LARGE1: variants seen among roughly 807,000 people sequenced by gnomAD.
LARGE1 encodes xylosyl- and glucuronyltransferase LARGE1.
A neutral mutation model predicts 87.6 loss-of-function variants in LARGE1; 43 were observed. The ratio of observed to expected loss-of-function variants is 0.49; its 90% CI spans 0.38 to 0.63. The LOEUF is 0.63. LARGE1 is among the 30% of genes least tolerant of loss of function. The pLI is 0.00. For missense variants in LARGE1, 802 were observed against 1,000.2 expected (o/e 0.80, Z 2.67); for synonymous variants, 434 against 394.6 (o/e 1.10, Z -1.18).
chr22:33,170,134 C>T lies in LARGE1; in HGVS notation c.1731-3302G>A, dbSNP rs113389145. Among the ~76,000 whole-genome samples, 265 of 151,958 alleles carry T rather than the reference C, an allele frequency of 1.7e-3. 1 individual carries two copies. The highest frequency in any genetic ancestry group is 5.8e-3 in the African/African-American group (239 of 41,454). On this transcript the variant is annotated intron_variant, in intron 11 of 11. Coordinates refer to the LARGE1 transcript ENST00000608642. The stretch of plus-strand genomic sequence containing the variant: ...GACACATGCCAGCACTTTGGGATGC[C>T]GAGGTGGGAGGATCACTTGAGGTCA...
At chr22:33,800,079 CCT>C (rs59382077) in intron 1 of LARGE1, among the ~76,000 whole-genome samples, 30,977 of 152,038 alleles carry the variant, frequency 0.2, 4,086 homozygotes, top group East Asian at 0.4. Context: ...TTTGCTATCC[CCT>C]GACTCATTCC....
At chr22:33,380,554 A>G (rs1201840823) in intron 9 of LARGE1, among the ~76,000 whole-genome samples, 2 of 152,168 alleles carry the variant, frequency 1.3e-5, no homozygotes, top group African/African-American at 4.8e-5. Context: ...GTAACAGACT[A>G]ACTATTGGAT....
chr22:33,455,123 T>C (rs901402020), intron 6 of LARGE1, among the ~76,000 whole-genome samples: 4 of 152,238 alleles, frequency 2.6e-5, no homozygotes, highest in Non-Finnish European at 5.9e-5. Flanking sequence ...GACACCTTTC[T>C]TTCTTTCCTG....
At chr22:33,778,990 G>A (rs1042740451) in intron 1 of LARGE1, among the ~76,000 whole-genome samples, 6 of 152,068 alleles carry the variant, frequency 3.9e-5, no homozygotes, top group African/African-American at 1.4e-4. Flanking sequence ...TCCATTGCAC[G>A]GAGAGGCCAC....
chr22:33,365,008 T>C (rs948253313), intron 9 of LARGE1, among the ~76,000 whole-genome samples: 7 of 152,156 alleles, frequency 4.6e-5, no homozygotes, highest in South Asian at 2.1e-4. Context: ...CAGAATTTTA[T>C]CCCTTTTCAA....
At chr22:33,517,858 G>C (rs4821155) in intron 6 of LARGE1, among the ~76,000 whole-genome samples, 44,409 of 152,132 alleles carry the variant, frequency 0.29, 7,803 homozygotes, top group Non-Finnish European at 0.4. Flanking sequence ...GAAGAAGGGG[G>C]AGACCTGGGT....
chr22:33,141,933 A>G, the LARGE1 span, among the ~76,000 whole-genome samples: 1 of 152,230 alleles, frequency 6.6e-6, no homozygotes, highest in Non-Finnish European at 1.5e-5. Flanking sequence ...TATCATTACT[A>G]GTAGATTGTA....
chr22:33,273,960 T>C lies in LARGE1; in HGVS notation c.*467A>G, dbSNP rs1018574660. The stretch of plus-strand genomic sequence containing the variant: ...CCCTCCGTTTGAATGCCCAGCTACA[T>C]TGCAGGGCAAAGGGGAAAGTTTTCA... On this transcript the variant is annotated 3_prime_UTR_variant, in exon 15 of 15. Transcript: ENST00000397394. The C allele has an allele frequency of 2.0e-5, 7 of 350,312 alleles. No individual in the cohort carries two copies. The highest frequency in any genetic ancestry group is 1.2e-4 in the African/African-American group (6 of 48,006). 21.7% of individuals were successfully genotyped at this position (350,312 alleles called of 1,614,324 possible).
At chr22:33,541,720 A>G (rs1381338676) in intron 6 of LARGE1, among the ~76,000 whole-genome samples, 1 of 150,060 alleles carries the variant, frequency 6.7e-6, no homozygotes, top group East Asian at 2.0e-4. Flanking sequence ...CTGTTCTACA[A>G]GGAAAACACA....
chr22:33,233,234 A>G (rs1478496136), intron 11 of LARGE1, among the ~76,000 whole-genome samples: 3 of 152,052 alleles, frequency 2.0e-5, no homozygotes, highest in Non-Finnish European at 4.4e-5. Context: ...GGGTATAGGA[A>G]GTTGTCTAAG....
chr22:33,133,353 C>CA, the LARGE1 span, among the ~76,000 whole-genome samples: 1 of 152,262 alleles, frequency 6.6e-6, no homozygotes, highest in Admixed American at 6.5e-5. Flanking sequence ...TGACAGGCCC[C>CA]AGTGTGTGAT....
intron 1 of LARGE1, among the ~76,000 whole-genome samples, chr22:33,886,453 G>A (rs1239910352): frequency 2.6e-5 from 4 of 152,124 alleles, no homozygotes; most frequent in Non-Finnish European, 4.4e-5. Context: ...CAAGGCAGGT[G>A]AATCACTTAA....
intron 11 of LARGE1, among the ~76,000 whole-genome samples, chr22:33,185,855 T>C (rs1357139975): frequency 6.6e-6 from 1 of 152,016 alleles, no homozygotes. Context: ...CAAAAGAAGC[T>C]CTATTACTAG....
rs139331515 is a variant in LARGE1 at position 33,896,844 on chromosome 22, C to G, written c.-83+23151G>C. Reference sequence around the variant, plus strand: ...TCTCTCTCAGTATTCAGAATGAAAGCAATGCTCTCCCCCAGCTGTGCTACA... The same window carrying G: ...TCTCTCTCAGTATTCAGAATGAAAGGAATGCTCTCCCCCAGCTGTGCTACA... On this transcript the variant is annotated intron_variant, in intron 1 of 14. Transcript: ENST00000397394. Among the ~76,000 whole-genome samples, 533 of 152,272 alleles carry G rather than the reference C, an allele frequency of 3.5e-3. 7 individuals carry two copies. Among genetic ancestry groups the G allele is most frequent in the African/African-American group, 0.012 (507 of 41,550 alleles).
At chr22:33,535,545 A>G (rs1028866153) in intron 6 of LARGE1, among the ~76,000 whole-genome samples, 2 of 150,426 alleles carry the variant, frequency 1.3e-5, no homozygotes, top group African/African-American at 5.0e-5. Context: ...CTCCAAAAAC[A>G]AAAGAAAAAA....
intron 5 of LARGE1, among the ~76,000 whole-genome samples, chr22:33,575,193 G>A (rs550215198): frequency 6.6e-6 from 1 of 152,238 alleles, no homozygotes; most frequent in African/African-American, 2.4e-5. Flanking sequence ...TATTTCTCAA[G>A]GTCTTCTTGG....
chr22:33,485,455 C>T (rs970382616), intron 6 of LARGE1, among the ~76,000 whole-genome samples: 1 of 150,898 alleles, frequency 6.6e-6, no homozygotes, highest in Non-Finnish European at 1.5e-5. Flanking sequence ...CTCAGGTGAT[C>T]TGCCACCCCC....
the LARGE1 span, among the ~76,000 whole-genome samples, chr22:33,153,144 G>C: frequency 6.6e-6 from 1 of 151,896 alleles, no homozygotes; most frequent in Non-Finnish European, 1.5e-5. Flanking sequence ...TCATCTCTTG[G>C]TCTATCTTCA....
At chr22:33,136,158 C>T in the LARGE1 span, among the ~76,000 whole-genome samples, 109 of 152,140 alleles carry the variant, frequency 7.2e-4, no homozygotes, top group Non-Finnish European at 1.3e-3. Context: ...ACCAAAAGTT[C>T]ATATTCTTAA....
Sources: gnomAD v4.1 joint callset for allele counts (sites outside exome capture counted in the v4.1 genomes callset) on GRCh38, gnomAD v4.1.1 for gene constraint, MANE v1.5 for transcripts, NCBI Gene and HGNC (gene_info 2026-07-23, HGNC 2026-07-21) for gene names.